NUP210: variants seen among roughly 807,000 people sequenced by gnomAD.
The protein encoded by NUP210 is nuclear pore membrane glycoprotein 210.
Under a neutral mutation model 196.0 loss-of-function variants are expected in NUP210, and 151 were observed. That is an observed-to-expected ratio of 0.77 (90% confidence interval 0.67 to 0.88). The LOEUF (loss-of-function observed/expected upper bound fraction) is 0.88. NUP210 is among the 40% of genes least tolerant of loss of function. NUP210 has a pLI of 0.00. For synonymous variants in NUP210, 1,070 were observed against 1,052.7 expected (o/e 1.02, Z -0.32); for missense variants, 2,314 against 2,493.7 (o/e 0.93, Z 1.53).
intron 27 of NUP210, among the ~76,000 whole-genome samples, chr3:13,335,816 C>T (rs547430419): frequency 3.2e-4 from 49 of 152,330 alleles, no homozygotes; most frequent in Non-Finnish European, 6.2e-4. Context: ...CATGGGTGCC[C>T]GGGTCCTGCC....
At position 13,360,659 on chromosome 3, in the gene NUP210, T is replaced by C. The variant is rs557688876; in HGVS notation, c.1933-168A>G. Reference sequence around the variant, plus strand: ...TCATCTGCAGCACTCACAGGGATCATTGCAAAGATCCAGAGGAATGGGGTG... The same window carrying C: ...TCATCTGCAGCACTCACAGGGATCACTGCAAAGATCCAGAGGAATGGGGTG... On this transcript the variant is annotated intron_variant, in intron 14 of 39. Coordinates refer to ENST00000254508, the MANE Select transcript of NUP210 (RefSeq NM_024923.4). 6.6e-5 allele frequency among the ~76,000 whole-genome samples: 10 copies of C among 152,300 alleles called. No individual in the cohort carries two copies. The East Asian group carries it at 7.7e-4, about 12-fold the overall frequency.
intron 31 of NUP210, among the ~76,000 whole-genome samples, chr3:13,328,518 G>A (rs1696867174): frequency 6.6e-6 from 1 of 152,212 alleles, no homozygotes; most frequent in African/African-American, 2.4e-5. Flanking sequence ...AGCACTCCCT[G>A]GAGCTGCCCC....
At chr3:13,397,321 G>A (rs373377504) in intron 3 of NUP210, 36 bp downstream of exon 3, 1 of 1,598,938 alleles carries the variant, frequency 6.3e-7, no homozygotes, top group South Asian at 1.1e-5. Flanking sequence ...ATCTAGCATG[G>A]GCTGCAGAAG....
intron 1 of NUP210, among the ~76,000 whole-genome samples, chr3:13,410,656 A>G (rs1576429023): frequency 6.8e-6 from 1 of 147,404 alleles, no homozygotes; most frequent in African/African-American, 2.5e-5. Context: ...GGTGGCTCAC[A>G]CCTGTAATCC....
Position 13,372,024 on chromosome 3 carries a change from C to G in NUP210, c.1596G>C (p.Val532=), listed in dbSNP as rs371890553. 27 of 1,576,950 alleles carry G rather than the reference C, an allele frequency of 1.7e-5. No homozygotes were observed. Among genetic ancestry groups the G allele is most frequent in the Non-Finnish European group, 2.2e-5 (26 of 1,159,946 alleles). ...PLHFGEMKVY[V]IEPHSMEFAP... is the part of the protein sequence containing the mutation. ...CAAACTCCATGCTGTGGGGCTCGAT[C>G]ACATACACCTGGAAGACAGGGGCAT... The change falls in exon 13 of 40, where the codon GTG becomes GTC. Residue 532 remains valine (V), a synonymous_variant. Transcript: ENST00000254508.
chr3:13,374,323 C>G (rs1047274027), intron 11 of NUP210, among the ~76,000 whole-genome samples: 2 of 152,208 alleles, frequency 1.3e-5, no homozygotes, highest in African/African-American at 2.4e-5. Flanking sequence ...TATCCTCACA[C>G]GCACACAAAC....
intron 10 of NUP210, among the ~76,000 whole-genome samples, 171 bp downstream of exon 10, chr3:13,376,120 G>C (rs1350189088): frequency 2.0e-5 from 3 of 152,204 alleles, no homozygotes. Context: ...AAGGCTGATG[G>C]GCTTCTTAAA....
intron 28 of NUP210, among the ~76,000 whole-genome samples, chr3:13,334,528 G>C (rs1697130761): frequency 6.6e-6 from 1 of 152,142 alleles, no homozygotes; most frequent in South Asian, 2.1e-4. Flanking sequence ...CCCTGATCAG[G>C]GAGGTGCTTG....
intron 14 of NUP210, 28 bp downstream of exon 14, chr3:13,365,918 G>C: frequency 6.2e-7 from 1 of 1,612,910 alleles, no homozygotes; most frequent in Non-Finnish European, 8.5e-7. Flanking sequence ...GGGCAGGGGG[G>C]TGGTAAAGGG....
chr3:13,357,525 C>T (rs984335120), intron 16 of NUP210, among the ~76,000 whole-genome samples: 2 of 152,186 alleles, frequency 1.3e-5, no homozygotes, highest in South Asian at 2.1e-4. Flanking sequence ...TAAGTACATG[C>T]TCAAGGAGTG....
rs777956227 is a variant in NUP210 at position 13,388,468 on chromosome 3, C to T, written c.534-15G>A. The T allele has an allele frequency of 2.1e-5, 34 of 1,583,580 alleles. No individual in the cohort carries two copies. Among genetic ancestry groups the T allele is most frequent in the South Asian group, 2.0e-4 (17 of 86,374 alleles). ...AAGTGAGGATTCTGGAAAAGGAGCA[C>T]GTTGTCAAAGTTTGTTGATCAAACC... On this transcript the variant is annotated splice_polypyrimidine_tract_variant and intron_variant, in intron 4 of 39. Coordinates refer to ENST00000254508, the MANE Select transcript of NUP210 (RefSeq NM_024923.4).
intron 13 of NUP210, among the ~76,000 whole-genome samples, chr3:13,370,766 C>A (rs181183845): frequency 1.1e-4 from 17 of 152,358 alleles, no homozygotes; most frequent in African/African-American, 4.1e-4. Context: ...AAGCTCTGCA[C>A]GTAATTACAG....
chr3:13,367,137 T>C (rs1373580757), intron 13 of NUP210, among the ~76,000 whole-genome samples: 1 of 129,002 alleles, frequency 7.8e-6, no homozygotes, highest in Non-Finnish European at 1.7e-5. Context: ...AAAAGAAAAA[T>C]AAAAATGTTT....
At position 13,358,294 on chromosome 3, in the gene NUP210, G is replaced by A. The variant is rs1485510171; in HGVS notation, c.2256C>T (p.Leu752=). The A allele has an allele frequency of 6.2e-7, 1 of 1,613,842 alleles. No homozygotes were observed. Among genetic ancestry groups the A allele is most frequent in the African/African-American group, 1.3e-5 (1 of 75,028 alleles). ...GGCTGGTGTAGACAGGCGCGAGGGT[G>A]AGCCTGGACGGTGGGGCGCAGACGA... ...VKFVCAPPSR[L]TLAPVYTSPQ... Residue 752 remains leucine (L), a synonymous_variant, in exon 16 of 40, where the codon CTC becomes CTT. Coordinates refer to ENST00000254508, the MANE Select transcript of NUP210 (RefSeq NM_024923.4).
intron 15 of NUP210, among the ~76,000 whole-genome samples, chr3:13,360,038 G>A (rs1698316039): frequency 6.6e-6 from 1 of 152,182 alleles, no homozygotes; most frequent in South Asian, 2.1e-4. Flanking sequence ...CCACCCAACT[G>A]GCCTACTCTA....
Position 13,325,912 on chromosome 3 carries a change from G to A in NUP210, c.4527C>T (p.Ser1509=). Residue 1509 remains serine, a synonymous_variant, in exon 33 of 40, where the codon AGC becomes AGT. Coordinates refer to ENST00000254508, the MANE Select transcript of NUP210 (RefSeq NM_024923.4). Reference sequence around the variant, plus strand: ...TGTGGAGGATGCTGTTGGCCGAGGAGCTCCAGGTTCCTGAGAGGCCTGGAG... The same window carrying A: ...TGTGGAGGATGCTGTTGGCCGAGGAACTCCAGGTTCCTGAGAGGCCTGGAG... ...TSLEGLSGTW[S]SSANSILHID... 6.2e-7 allele frequency: 1 copy of A among 1,614,058 alleles called. No homozygotes were observed. The highest frequency in any genetic ancestry group is 8.5e-7 in the Non-Finnish European group (1 of 1,180,010).
intron 1 of NUP210, among the ~76,000 whole-genome samples, chr3:13,416,321 G>C (rs1364836070): frequency 2.0e-5 from 3 of 152,150 alleles, no homozygotes; most frequent in African/African-American, 7.2e-5. Context: ...TCACCAGGCA[G>C]GTCCACATCC....
chr3:13,410,815 G>T (rs1032244842), intron 1 of NUP210, among the ~76,000 whole-genome samples: 1 of 151,634 alleles, frequency 6.6e-6, no homozygotes, highest in East Asian at 2.0e-4. Flanking sequence ...CTACTTGGGA[G>T]GCTGAGGCAG....
chr3:13,361,249 C>T (rs995940507), intron 14 of NUP210, among the ~76,000 whole-genome samples: 2 of 152,176 alleles, frequency 1.3e-5, no homozygotes, highest in Non-Finnish European at 2.9e-5. Context: ...TGGCACATAG[C>T]GGGTGCTCAG....
Sources: gnomAD v4.1 joint callset for allele counts (sites outside exome capture counted in the v4.1 genomes callset) on GRCh38, gnomAD v4.1.1 for gene constraint, MANE v1.5 for transcripts, NCBI Gene and HGNC (gene_info 2026-07-23, HGNC 2026-07-21) for gene names.